The following PPIH variants were observed in gnomAD, a reference collection of about 807,000 sequenced individuals.
The protein encoded by PPIH is peptidylprolyl isomerase H.
PPIH carries 16 observed loss-of-function variants against 27.6 expected under a neutral mutation model. That is an observed-to-expected ratio of 0.58 (90% CI 0.39 to 0.88). PPIH has a LOEUF of 0.88. Among genes scored for constraint, PPIH ranks in the 40% least tolerant of loss-of-function variants. The pLI is 0.00. For missense variants in PPIH, 155 were observed against 224.1 expected (o/e 0.69, Z 1.97); for synonymous variants, 63 against 76.1 (o/e 0.83, Z 0.90).
At chr1:42,675,719 C>G (rs759496547) in intron 9 of PPIH, among the ~76,000 whole-genome samples, 1 of 152,196 alleles carries the variant, frequency 6.6e-6, no homozygotes, top group East Asian at 1.9e-4. Context: ...GGTGTACTTA[C>G]TCTGTTCTCT....
intron 6 of PPIH, among the ~76,000 whole-genome samples, chr1:42,665,480 T>C (rs1649281580): frequency 6.6e-6 from 1 of 152,100 alleles, no homozygotes; most frequent in South Asian, 2.1e-4. Context: ...GGAACTAAAA[T>C]CTGAACCAGG....
chr1:42,676,210 C>T (rs1649874175), intron 9 of PPIH, among the ~76,000 whole-genome samples: 1 of 152,120 alleles, frequency 6.6e-6, no homozygotes, highest in Admixed American at 6.5e-5. Flanking sequence ...TGGCTCATCC[C>T]TGTAATCCCA....
intron 5 of PPIH, among the ~76,000 whole-genome samples, chr1:42,663,145 G>C (rs1557512400): frequency 6.6e-6 from 1 of 152,220 alleles, no homozygotes; most frequent in East Asian, 1.9e-4. Context: ...GGAAATTGGA[G>C]ATGAACTTGT....
At chr1:42,681,528 A>G (rs1650017739), downstream of PPIH, 1 of 152,220 alleles carries the variant, frequency 6.6e-6, no homozygotes. Flanking sequence ...CAGTAACATC[A>G]GGTGGCAGCC....
chr1:42,661,849 AG>A (rs1649040387), intron 5 of PPIH, among the ~76,000 whole-genome samples: 1 of 148,714 alleles, frequency 6.7e-6, no homozygotes, highest in South Asian at 2.2e-4. Flanking sequence ...AAAAAATCCT[AG>A]TTTTTTTTTC....
intron 8 of PPIH, 145 bp downstream of exon 8, chr1:42,666,732 A>C (rs1013312240): frequency 1.3e-6 from 1 of 786,282 alleles, no homozygotes; most frequent in Non-Finnish European, 2.1e-6. Context: ...GAACCACCTA[A>C]GTTAGCCTGT....
At chr1:42,664,728 T>A in intron 5 of PPIH, 135 bp from the exon 6 acceptor site, 6 of 663,278 alleles carry the variant, frequency 9.0e-6, no homozygotes, top group Non-Finnish European at 1.5e-5. Flanking sequence ...GTCAAATAGG[T>A]GCAGCTTCCA....
rs1336003676 is a variant in PPIH at position 42,659,229 on chromosome 1, C to G, written c.133C>G (p.Gln45Glu). 1.2e-6 allele frequency: 2 copies of G among 1,614,148 alleles called. No homozygotes were observed. The highest frequency in any genetic ancestry group is 1.1e-5 in the South Asian group (1 of 91,070). The change falls in exon 3 of 10, where the codon CAG becomes GAG. Residue 45 changes from glutamine to glutamate, a missense_variant and splice_region_variant. Around this residue, in one of 2 missense-constraint regions of PPIH, gnomAD observed 96 missense variants for 175.3 expected, o/e 0.55. Coordinates refer to ENST00000304979, the MANE Select transcript of PPIH (RefSeq NM_006347.4). ...VVPKTAENFRQFCTGEFRKDG... is the reference protein window; with the variant it reads ...VVPKTAENFREFCTGEFRKDG... Reference sequence around the variant, plus strand: ...TCATTCATTTTTTGTCCCTTTCAGGCAGTTCTGCACCGGAGAATTCAGGTC... The same window carrying G: ...TCATTCATTTTTTGTCCCTTTCAGGGAGTTCTGCACCGGAGAATTCAGGTC...
rs569136546 is a variant in PPIH at position 42,671,947 on chromosome 1, G to A, written c.*21+4507G>A. On this transcript the variant is annotated intron_variant, in intron 9 of 9. Transcript: ENST00000304979. ...CGCCCAGGCTAGAGTGCAGTGGCGC[G>A]ATCTCGGCTCACTGCAGACTCTGCC... Among the ~76,000 whole-genome samples the A allele has an allele frequency of 1.1e-4, 16 of 150,654 alleles. No individual in the cohort carries two copies. In the East Asian group the frequency reaches 2.2e-3, roughly 20 times the overall value.
intron 9 of PPIH, among the ~76,000 whole-genome samples, chr1:42,671,479 C>A (rs1346339122): frequency 6.6e-6 from 1 of 152,142 alleles, no homozygotes; most frequent in African/African-American, 2.4e-5. Flanking sequence ...CCAGTTGTAG[C>A]TAGTGGCTAC....
At chr1:42,670,611 T>C (rs746685327) in intron 9 of PPIH, among the ~76,000 whole-genome samples, 2 of 151,738 alleles carry the variant, frequency 1.3e-5, no homozygotes, top group Non-Finnish European at 2.9e-5. Flanking sequence ...GCAGAACGCA[T>C]TCCTCAGGTG....
intron 5 of PPIH, 60 bp from the exon 6 acceptor site, chr1:42,664,803 C>T: frequency 7.5e-7 from 1 of 1,328,166 alleles, no homozygotes. Flanking sequence ...CAGTGTTCTT[C>T]CTCCGGTTTC....
At position 42,659,495 on chromosome 1, in the gene PPIH, T is replaced by G. The variant is rs753343544; in HGVS notation, c.156-27T>G. 5.0e-6 allele frequency: 8 copies of G among 1,614,102 alleles called. No homozygotes were observed. The East Asian group carries it at 1.8e-4, about 36-fold the overall frequency. ...AAGGCCTTGTGCTACCTGCTGTCAC[T>G]CCAAGTCTCTTTCTTTTCGGTTATA... On this transcript the variant is annotated intron_variant, in intron 3 of 9. Transcript: ENST00000304979.
intron 5 of PPIH, among the ~76,000 whole-genome samples, chr1:42,662,121 T>C (rs1184150728): frequency 6.6e-6 from 1 of 152,092 alleles, no homozygotes; most frequent in Non-Finnish European, 1.5e-5. Context: ...CCTTCTTTCC[T>C]TTTTTTTCCC....
intron 9 of PPIH, among the ~76,000 whole-genome samples, chr1:42,672,054 T>G (rs1649667618): frequency 6.6e-6 from 1 of 152,080 alleles, no homozygotes; most frequent in Admixed American, 6.5e-5. Context: ...CAGCTAATTT[T>G]TGTATTTTTT....
intron 9 of PPIH, among the ~76,000 whole-genome samples, chr1:42,668,430 T>C (rs1467695159): frequency 6.6e-6 from 1 of 152,112 alleles, no homozygotes; most frequent in Non-Finnish European, 1.5e-5. Context: ...TCTTCTTCTC[T>C]TTCCCATTTG....
chr1:42,665,441 T>A (rs1408846684), intron 6 of PPIH, among the ~76,000 whole-genome samples: 1 of 151,964 alleles, frequency 6.6e-6, no homozygotes, highest in Non-Finnish European at 1.5e-5. Context: ...AACCAGTAGG[T>A]AAGGCCCACT....
intron 9 of PPIH, among the ~76,000 whole-genome samples, chr1:42,674,909 C>T (rs970497352): frequency 7.2e-5 from 11 of 152,196 alleles, no homozygotes; most frequent in African/African-American, 2.4e-5. Context: ...CCATTCCAGT[C>T]CAGTACAAAG....
intron 8 of PPIH, 56 bp downstream of exon 8, chr1:42,666,643 A>T (rs1649356210): frequency 3.9e-6 from 6 of 1,550,334 alleles, no homozygotes; most frequent in Non-Finnish European, 5.3e-6. Context: ...GTACTGTCTG[A>T]CTAGCGTGCA....
Sources: gnomAD v4.1 joint callset for allele counts (sites outside exome capture counted in the v4.1 genomes callset) on GRCh38, gnomAD v4.1.1 for gene constraint, gnomAD v4.1.1 regional missense constraint, MANE v1.5 for transcripts, NCBI Gene and HGNC (gene_info 2026-07-23, HGNC 2026-07-21) for gene names.